DCK: variants seen among roughly 807,000 people sequenced by gnomAD.
DCK encodes deoxycytidine kinase.
A neutral mutation model predicts 38.3 loss-of-function variants in DCK; 23 were observed. That is an observed-to-expected ratio of 0.60 (90% confidence interval 0.43 to 0.85). The LOEUF (loss-of-function observed/expected upper bound fraction) is 0.85. Among genes scored for constraint, DCK ranks in the 40% least tolerant of loss-of-function variants. The pLI, the probability that DCK is intolerant of heterozygous loss-of-function variation, is 0.00. For synonymous variants in DCK, 108 were observed against 100.6 expected, an observed-to-expected ratio of 1.07 and a Z score of -0.44; for missense variants, 259 against 304.4, an observed-to-expected ratio of 0.85 and a Z score of 1.11.
intron 2 of DCK, among the ~76,000 whole-genome samples, chr4:71,004,037 T>A (rs1739876595): frequency 6.6e-6 from 1 of 152,216 alleles, no homozygotes; most frequent in Admixed American, 6.5e-5. Context: ...AGAAAAGACA[T>A]TCTGGTTTTT....
intron 2 of DCK, among the ~76,000 whole-genome samples, chr4:71,018,204 G>C (rs1740321848): frequency 7.1e-6 from 1 of 141,430 alleles, no homozygotes; most frequent in African/African-American, 2.6e-5. Flanking sequence ...TCAACTTGCT[G>C]CAAGCTCCGC....
At chr4:71,018,916 C>T (rs893163268) in intron 2 of DCK, among the ~76,000 whole-genome samples, 1 of 152,086 alleles carries the variant, frequency 6.6e-6, no homozygotes, top group African/African-American at 2.4e-5. Context: ...AAGTGATCCG[C>T]CTGCCTCGGA....
intron 2 of DCK, among the ~76,000 whole-genome samples, chr4:71,007,380 T>A (rs1387795362): frequency 6.6e-6 from 1 of 152,222 alleles, no homozygotes; most frequent in Non-Finnish European, 1.5e-5. Context: ...TTATAACCAT[T>A]ATCCAGGTCA....
rs779457928 is a variant in DCK at position 70,993,838 on chromosome 4, GGCCACCCC to G, written c.7_14del (p.Thr3GlnfsTer12). ...CTGGGCCGCCACAAGACTAAGGAAT[GGCCACCCC>G]GCCCAAGAGAAGCTGCCCGTCTTTC... On this transcript the variant is annotated frameshift_variant, in exon 1 of 7. Coordinates refer to ENST00000286648, the MANE Select transcript of DCK (RefSeq NM_000788.3). LOFTEE classifies it high-confidence loss of function. The G allele has an allele frequency of 1.2e-6, 2 of 1,612,746 alleles. No homozygotes were observed. Among genetic ancestry groups the G allele is most frequent in the Non-Finnish European group, 1.7e-6 (2 of 1,179,000 alleles).
intron 2 of DCK, among the ~76,000 whole-genome samples, chr4:71,016,126 T>G (rs1449867812): frequency 6.6e-6 from 1 of 152,152 alleles, no homozygotes; most frequent in Non-Finnish European, 1.5e-5. Flanking sequence ...ACAAGCATTC[T>G]TATACACCAA....
chr4:71,016,170 A>T (rs1740256107), intron 2 of DCK, among the ~76,000 whole-genome samples: 1 of 152,156 alleles, frequency 6.6e-6, no homozygotes, highest in Non-Finnish European at 1.5e-5. Context: ...TCATGAGTGA[A>T]CTCCCATTCA....
chr4:71,012,377 A>G (rs4597793), intron 2 of DCK, among the ~76,000 whole-genome samples: 142,527 of 151,726 alleles, frequency 0.94, 67,406 homozygotes, highest in Non-Finnish European at 1. Flanking sequence ...AGAAACCTCT[A>G]CGGACTTAAA....
Position 71,029,926 on chromosome 4 carries a change from A to T in DCK, c.*548A>T, listed in dbSNP as rs1740644364. 2.0e-5 allele frequency: 3 copies of T among 152,700 alleles called. No individual in the cohort carries two copies. The highest frequency in any genetic ancestry group is 4.4e-5 in the Non-Finnish European group (3 of 68,090). 9.5% of individuals were successfully genotyped at this position (152,700 alleles called of 1,614,324 possible). ...TCTTAACAGTTTAGTCCCACCTCTTACTTCCTGCCTCAGTCTGCTTTCTCT... is the reference window on the plus strand; with the variant it reads ...TCTTAACAGTTTAGTCCCACCTCTTTCTTCCTGCCTCAGTCTGCTTTCTCT... On this transcript the variant is annotated 3_prime_UTR_variant, in exon 7 of 7. Coordinates refer to ENST00000286648, the MANE Select transcript of DCK (RefSeq NM_000788.3).
intron 2 of DCK, among the ~76,000 whole-genome samples, chr4:71,015,304 C>T (rs992406231): frequency 1.3e-5 from 2 of 152,012 alleles, no homozygotes; most frequent in Non-Finnish European, 2.9e-5. Flanking sequence ...GCCTGCCATC[C>T]AAAAAAAGTC....
chr4:71,021,050 G>A (rs1249017295), intron 2 of DCK, among the ~76,000 whole-genome samples: 1 of 148,570 alleles, frequency 6.7e-6, no homozygotes, highest in East Asian at 2.0e-4. Flanking sequence ...TAATTCATGT[G>A]TTCCAGATGC....
chr4:71,003,562 G>A (rs1739864797), intron 2 of DCK, among the ~76,000 whole-genome samples: 1 of 152,140 alleles, frequency 6.6e-6, no homozygotes, highest in Non-Finnish European at 1.5e-5. Context: ...TTTCCAACTT[G>A]GTTCCATTCG....
At chr4:71,015,448 T>C (rs202161941) in intron 2 of DCK, among the ~76,000 whole-genome samples, 1 of 152,120 alleles carries the variant, frequency 6.6e-6, no homozygotes, top group Admixed American at 6.6e-5. Flanking sequence ...CCAGTATCAT[T>C]CTGATACCAA....
chr4:71,006,550 C>T (rs1282393501), intron 2 of DCK, among the ~76,000 whole-genome samples: 1 of 151,864 alleles, frequency 6.6e-6, no homozygotes, highest in Non-Finnish European at 1.5e-5. Flanking sequence ...GGCAGAGCAG[C>T]CAATCCCAGC....
At chr4:71,004,989 A>C (rs1739904318) in intron 2 of DCK, among the ~76,000 whole-genome samples, 1 of 151,574 alleles carries the variant, frequency 6.6e-6, no homozygotes, top group Non-Finnish European at 1.5e-5. Flanking sequence ...AGGGGAGTGA[A>C]CGGTTCTGTC....
chr4:71,025,969 C>A, intron 5 of DCK, 38 bp downstream of exon 5: 1 of 1,472,080 alleles, frequency 6.8e-7, no homozygotes, highest in Non-Finnish European at 9.0e-7. Flanking sequence ...TTTTAAATAC[C>A]TTTGTTACCT....
Position 71,030,875 on chromosome 4 carries a change from C to T in DCK, c.*1497C>T, listed in dbSNP as rs573196146. Reference sequence around the variant, plus strand: ...TTTAAAATTTGTAGAATTGAAAAGACGCTAATAAAAATTTATTATTTATTT... The same window carrying T: ...TTTAAAATTTGTAGAATTGAAAAGATGCTAATAAAAATTTATTATTTATTT... On this transcript the variant is annotated 3_prime_UTR_variant, in exon 7 of 7. Coordinates refer to ENST00000286648, the MANE Select transcript of DCK (RefSeq NM_000788.3). The T allele has an allele frequency of 7.2e-5, 11 of 152,000 alleles. No homozygotes were observed. The highest frequency in any genetic ancestry group is 2.0e-4 in the Admixed American group (3 of 15,278). The allele number at this position is 152,000 out of a possible 1,614,324, so 9.4% of individuals were successfully genotyped here.
chr4:71,008,149 C>T (rs947639198), intron 2 of DCK, among the ~76,000 whole-genome samples: 6 of 152,194 alleles, frequency 3.9e-5, no homozygotes, highest in Non-Finnish European at 8.8e-5. Context: ...AATTCACCCG[C>T]ATACATGCAA....
At chr4:71,013,151 G>A (rs1029158209) in intron 2 of DCK, among the ~76,000 whole-genome samples, 7 of 152,170 alleles carry the variant, frequency 4.6e-5, no homozygotes, top group Non-Finnish European at 8.8e-5. Context: ...CTGGAAGAAA[G>A]GGTATCAGTG....
intron 2 of DCK, among the ~76,000 whole-genome samples, chr4:71,018,373 C>T (rs1418395574): frequency 6.6e-6 from 1 of 152,038 alleles, no homozygotes; most frequent in Non-Finnish European, 1.5e-5. Flanking sequence ...TGTGATCCAC[C>T]CGCCTTGGCC....
Sources: allele counts gnomAD v4.1 joint callset (sites outside exome capture counted in the v4.1 genomes callset), GRCh38; gene constraint gnomAD v4.1.1; transcripts MANE v1.5; gene names NCBI Gene and HGNC (gene_info 2026-07-23, HGNC 2026-07-21).